The following DSCAML1 variants were observed in gnomAD, a reference collection of about 807,000 sequenced individuals.
DSCAML1 encodes DS cell adhesion molecule like 1.
A neutral mutation model predicts 200.5 loss-of-function variants in DSCAML1; 38 were observed. The ratio of observed to expected loss-of-function variants is 0.19; its 90% confidence interval spans 0.15 to 0.25. The LOEUF is 0.25. Among genes scored for constraint, DSCAML1 ranks in the 10% least tolerant of loss-of-function variants. The pLI is 1.00. For missense variants in DSCAML1, 2,223 were observed against 2,858.8 expected, an observed-to-expected ratio of 0.78 and a Z score of 5.07; for synonymous variants, 1,215 against 1,165.0, an observed-to-expected ratio of 1.04 and a Z score of -0.87.
rs141592263 is a variant in DSCAML1 at position 117,507,734 on chromosome 11, G to A, written c.1784-2002C>T. ...GTCCTTCTCATCCCCAAGCACATGG[G>A]CTCCTCACCTACCAGCTGGCTTTGA... is the stretch of plus-strand genomic sequence containing the variant. On this transcript the variant is annotated intron_variant, in intron 8 of 32. Coordinates refer to ENST00000651296, the MANE Select transcript of DSCAML1 (RefSeq NM_020693.4). 2.8e-4 allele frequency among the ~76,000 whole-genome samples: 42 copies of A among 152,244 alleles called. No homozygotes were observed. In the East Asian group the frequency reaches 7.9e-3, roughly 29 times the overall value.
At chr11:117,715,908 C>A (rs948776) in intron 3 of DSCAML1, among the ~76,000 whole-genome samples, 145,098 of 152,272 alleles carry the variant, frequency 0.95, 69,309 homozygotes, top group South Asian at 0.99. Flanking sequence ...CCTAGTTGGT[C>A]ACTTGGCCCA....
chr11:117,781,302 AAAAG>A (rs1201783713), intron 1 of DSCAML1, among the ~76,000 whole-genome samples: 3 of 151,884 alleles, frequency 2.0e-5, no homozygotes, highest in East Asian at 1.9e-4. Context: ...AAAAAAAAAA[AAAAG>A]AAAGAAAGAA....
chr11:117,443,808 C>T, intron 21 of DSCAML1, 78 bp downstream of exon 21: 3 of 1,505,152 alleles, frequency 2.0e-6, no homozygotes, highest in South Asian at 1.3e-5. Flanking sequence ...GGCAGAGACC[C>T]TGTCTGGGGA....
At chr11:117,750,614 G>A (rs1181248291) in intron 3 of DSCAML1, among the ~76,000 whole-genome samples, 2 of 152,180 alleles carry the variant, frequency 1.3e-5, no homozygotes, top group Non-Finnish European at 2.9e-5. Context: ...CCAAGGCGGG[G>A]ACATAAGAAA....
intron 3 of DSCAML1, among the ~76,000 whole-genome samples, chr11:117,560,453 T>G (rs533621289): frequency 1.2e-4 from 19 of 152,302 alleles, no homozygotes; most frequent in African/African-American, 4.6e-4. Flanking sequence ...TGCGTATTGC[T>G]CCATTCAAGT....
chr11:117,664,653 G>A (rs183539552), intron 3 of DSCAML1, among the ~76,000 whole-genome samples: 201 of 152,350 alleles, frequency 1.3e-3, no homozygotes, highest in Admixed American at 3.8e-3. Context: ...ACTCCACAAA[G>A]GGAGCTCCTC....
chr11:117,693,323 A>G (rs1204120794), intron 3 of DSCAML1, among the ~76,000 whole-genome samples: 5 of 152,118 alleles, frequency 3.3e-5, no homozygotes, highest in Non-Finnish European at 4.4e-5. Context: ...CCTTACTTTC[A>G]TCCCATCATT....
chr11:117,607,408 T>A (rs543128311), intron 3 of DSCAML1, among the ~76,000 whole-genome samples: 2 of 152,330 alleles, frequency 1.3e-5, no homozygotes, highest in African/African-American at 4.8e-5. Context: ...CTGACACCCC[T>A]AACAGATGCT....
chr11:117,740,068 T>G (rs978403232), intron 3 of DSCAML1, among the ~76,000 whole-genome samples: 2 of 152,136 alleles, frequency 1.3e-5, no homozygotes, highest in African/African-American at 2.4e-5. Context: ...AACAACCAGA[T>G]GTAGGCAAGA....
Position 117,642,450 on chromosome 11 carries a change from G to A in DSCAML1, c.512-109928C>T, listed in dbSNP as rs2052430854. Among the ~76,000 whole-genome samples the A allele has an allele frequency of 6.6e-6, 1 of 152,172 alleles. No individual in the cohort carries two copies. Among genetic ancestry groups the A allele is most frequent in the Admixed American group, 6.5e-5 (1 of 15,286 alleles). On this transcript the variant is annotated intron_variant, in intron 3 of 32. Transcript: ENST00000651296. This position sits in a 1 kb window ranked among gnomAD's most constrained non-coding sequence, Gnocchi z 4.1. Reference sequence around the variant, plus strand: ...AGGCACAGTCTGGAAGACAAATAAGGGGAACTGTCAGGCCCCACTGCCAAC... The same window carrying A: ...AGGCACAGTCTGGAAGACAAATAAGAGGAACTGTCAGGCCCCACTGCCAAC...
intron 3 of DSCAML1, among the ~76,000 whole-genome samples, chr11:117,730,734 C>G (rs1301326449): frequency 6.6e-6 from 1 of 152,298 alleles, no homozygotes; most frequent in East Asian, 1.9e-4. Flanking sequence ...AACATACACC[C>G]GCACCAACAT....
In DSCAML1 at chr11:117,430,723, C is replaced by T; in HGVS notation, c.5685G>A (p.Lys1895=). The stretch of plus-strand genomic sequence containing the variant: ...CTGGGAGGTGGTCTGAGCACTCACT[C>T]TTGTTGGCCCGGTGAGGGATGGGCA... ...VAVPIPHRAN[K]SDYCNLPLYA... is the part of the protein sequence containing the mutation. The change falls in exon 32 of 33, where the codon AAG becomes AAA. Residue 1895 remains lysine, a splice_region_variant and synonymous_variant. Coordinates refer to ENST00000651296, the MANE Select transcript of DSCAML1 (RefSeq NM_020693.4). 1.9e-6 allele frequency: 3 copies of T among 1,610,010 alleles called. No homozygotes were observed. The highest frequency in any genetic ancestry group is 2.5e-6 in the Non-Finnish European group (3 of 1,177,992).
At chr11:117,777,163 C>T (rs1006902267) in intron 2 of DSCAML1, among the ~76,000 whole-genome samples, 1 of 152,206 alleles carries the variant, frequency 6.6e-6, no homozygotes. Flanking sequence ...TACTGGGCAG[C>T]CTTTTCTCCC....
chr11:117,809,891 A>C (rs916286707), intron 1 of DSCAML1, among the ~76,000 whole-genome samples: 5 of 150,554 alleles, frequency 3.3e-5, no homozygotes, highest in East Asian at 2.0e-4. Flanking sequence ...TTACACACAC[A>C]CACCCACACA....
intron 3 of DSCAML1, among the ~76,000 whole-genome samples, chr11:117,562,841 C>T (rs2050689046): frequency 6.6e-6 from 1 of 152,170 alleles, no homozygotes; most frequent in South Asian, 2.1e-4. Flanking sequence ...AAGTGGTTCT[C>T]CTGCCTCAGC....
Position 117,617,434 on chromosome 11 carries a change from C to T in DSCAML1, c.512-84912G>A, listed in dbSNP as rs144366709. On this transcript the variant is annotated intron_variant, in intron 3 of 32. Transcript: ENST00000651296. ...GTCTCCTCATTTGCATGATATTTCA[C>T]GCTGACTCGGTCTCTCAAACTGTTA... Among the ~76,000 whole-genome samples the T allele has an allele frequency of 1.1e-4, 17 of 152,290 alleles. No homozygotes were observed. In the South Asian group the frequency reaches 3.3e-3, roughly 30 times the overall value.
At chr11:117,431,915 G>C (rs2047806477) in intron 30 of DSCAML1, among the ~76,000 whole-genome samples, 187 bp from the exon 31 acceptor site, 1 of 149,770 alleles carries the variant, frequency 6.7e-6, no homozygotes, top group Non-Finnish European at 1.5e-5. Flanking sequence ...ATCGAGTCAA[G>C]GTTGGGGAGG....
chr11:117,596,389 A>G (rs112124818), intron 3 of DSCAML1, among the ~76,000 whole-genome samples: 1 of 101,534 alleles, frequency 9.8e-6, no homozygotes, highest in East Asian at 2.5e-4. Context: ...CTTCTCAGGA[A>G]AAAAAAAAAA....
At chr11:117,592,239 C>T (rs1272477840) in intron 3 of DSCAML1, among the ~76,000 whole-genome samples, 1 of 152,170 alleles carries the variant, frequency 6.6e-6, no homozygotes, top group African/African-American at 2.4e-5. Context: ...CATCATCCCT[C>T]CACTCCGTAA....
Sources: gnomAD v4.1 joint callset for allele counts (sites outside exome capture counted in the v4.1 genomes callset) on GRCh38, gnomAD v4.1.1 for gene constraint, Gnocchi (gnomAD v3.1) non-coding constraint, MANE v1.5 for transcripts, NCBI Gene and HGNC (gene_info 2026-07-23, HGNC 2026-07-21) for gene names.